Variants in MYOF observed in about 807,000 individuals in gnomAD.
MYOF encodes fer-1-like 3, myoferlin.
MYOF carries 244 observed loss-of-function variants against 284.2 expected under a neutral mutation model. That is an observed-to-expected ratio of 0.86 (90% confidence interval 0.77 to 0.95). The LOEUF is 0.95. MYOF is among the 40% of genes least tolerant of loss of function. MYOF has a pLI of 0.00. For synonymous variants in MYOF, 904 were observed against 919.7 expected (o/e 0.98, Z 0.31); for missense variants, 2,496 against 2,560.6 (o/e 0.97, Z 0.54).
intron 7 of MYOF, among the ~76,000 whole-genome samples, chr10:93,408,337 G>A (rs1397327880): frequency 1.3e-5 from 2 of 152,110 alleles, no homozygotes; most frequent in African/African-American, 4.8e-5. Flanking sequence ...GAGTTCAGGA[G>A]TTCGAGACCA....
At position 93,366,426 on chromosome 10, in the gene MYOF, A is replaced by G. The variant is rs1244634914; in HGVS notation, c.2719T>C (p.Trp907Arg). 2 of 1,613,800 alleles carry G rather than the reference A, an allele frequency of 1.2e-6. No homozygotes were observed. The highest frequency in any genetic ancestry group is 1.7e-6 in the Non-Finnish European group (2 of 1,179,990). Residue 907 changes from tryptophan to arginine, a missense_variant, in exon 26 of 54, where the codon TGG (tryptophan) becomes CGG (arginine). Physicochemically the swap from Trp to Arg is moderately radical, Grantham distance 101. Coordinates refer to ENST00000359263, the MANE Select transcript of MYOF (RefSeq NM_013451.4). ...EFFLPPKGWE[W>R]EGEWIVDPER... Reference sequence around the variant, plus strand: ...GGATCAACTATCCACTCTCCTTCCCATTCCCAGCCTTTTGGAGGCAGAAAA... The same window carrying G: ...GGATCAACTATCCACTCTCCTTCCCGTTCCCAGCCTTTTGGAGGCAGAAAA...
intron 46 of MYOF, 130 bp downstream of exon 46, chr10:93,325,696 A>C: frequency 8.3e-7 from 1 of 1,203,182 alleles, no homozygotes; most frequent in Non-Finnish European, 1.2e-6. Flanking sequence ...ATATGACGCT[A>C]ATTTGAGTCT....
intron 1 of MYOF, among the ~76,000 whole-genome samples, chr10:93,478,840 A>AAAGAAAGAAAGAAAGAAAGAAAG (rs1564748718): frequency 1.0e-4 from 8 of 78,076 alleles, no homozygotes; most frequent in African/African-American, 4.1e-4. Context: ...AAAAAAAAAA[A>AAAGAAAGAAAGAAAGAAAGAAAG]AAAGAAAGAA....
intron 3 of MYOF, 31 bp from the exon 4 acceptor site, chr10:93,431,547 C>T: frequency 6.4e-7 from 1 of 1,569,882 alleles, no homozygotes; most frequent in South Asian, 1.1e-5. Flanking sequence ...CACATAGCAG[C>T]CTAAGTAGGA....
intron 5 of MYOF, among the ~76,000 whole-genome samples, chr10:93,424,875 C>T (rs186563543): frequency 6.7e-5 from 10 of 149,694 alleles, no homozygotes; most frequent in African/African-American, 9.8e-5. Flanking sequence ...AGATGAGCCC[C>T]GAGGAGCCAC....
At chr10:93,457,056 C>T in intron 1 of MYOF, 119 bp from the exon 2 acceptor site, 1 of 700,132 alleles carries the variant, frequency 1.4e-6, no homozygotes, top group Non-Finnish European at 2.4e-6. Context: ...TCTCCCCATT[C>T]ATCGCTTAGG....
At chr10:93,471,296 G>C (rs1489063348) in intron 1 of MYOF, among the ~76,000 whole-genome samples, 2 of 119,728 alleles carry the variant, frequency 1.7e-5, no homozygotes, top group African/African-American at 5.9e-5. Context: ...CTCACCCCAG[G>C]GGGGATGGGT....
chr10:93,309,993 G>A, intron 53 of MYOF, 27 bp downstream of exon 53: 1 of 1,613,586 alleles, frequency 6.2e-7, no homozygotes, highest in South Asian at 1.1e-5. Flanking sequence ...AGAAAGCCAA[G>A]ACAAGGGGCC....
intron 24 of MYOF, among the ~76,000 whole-genome samples, chr10:93,370,726 T>C (rs1845548637): frequency 6.6e-6 from 1 of 152,196 alleles, no homozygotes; most frequent in African/African-American, 2.4e-5. Context: ...TGGCATATGA[T>C]GGTTGTCTTG....
rs1847428537 is a variant in MYOF, at chr10:93,404,076, G to A, written c.793-3C>T. On this transcript the variant is annotated splice_polypyrimidine_tract_variant and splice_region_variant and intron_variant, in intron 8 of 53. Coordinates refer to ENST00000359263, the MANE Select transcript of MYOF (RefSeq NM_013451.4). The stretch of plus-strand genomic sequence containing the variant: ...CGCAGAGAGTGAGAATTATAAACCT[G>A]GAAGAAAGAAGAGTAGTGAAGAAAT... The A allele has an allele frequency of 6.2e-7, 1 of 1,614,100 alleles. No individual in the cohort carries two copies. Among genetic ancestry groups the A allele is most frequent in the East Asian group, 2.2e-5 (1 of 44,888 alleles).
chr10:93,324,999 C>T (rs1189406334), intron 46 of MYOF, among the ~76,000 whole-genome samples: 2 of 152,072 alleles, frequency 1.3e-5, no homozygotes, highest in Non-Finnish European at 2.9e-5. Context: ...AGGCTGGTCT[C>T]GAACTCCTGA....
At chr10:93,378,724 T>G (rs1845975324) in intron 21 of MYOF, among the ~76,000 whole-genome samples, 4 of 142,768 alleles carry the variant, frequency 2.8e-5, no homozygotes, top group African/African-American at 1.0e-4. Flanking sequence ...TATGTATATA[T>G]TTATCTTTTT....
intron 1 of MYOF, among the ~76,000 whole-genome samples, chr10:93,457,497 G>T (rs2056771284): frequency 6.6e-6 from 1 of 152,128 alleles, no homozygotes; most frequent in Non-Finnish European, 1.5e-5. Flanking sequence ...ATAATTTGGG[G>T]CTTCCTTTAC....
intron 28 of MYOF, among the ~76,000 whole-genome samples, chr10:93,361,165 T>C (rs1390061604): frequency 1.3e-5 from 2 of 152,172 alleles, no homozygotes; most frequent in African/African-American, 2.4e-5. Flanking sequence ...TAGACCCCTC[T>C]CACGTGCAGT....
chr10:93,459,288 G>A (rs1306746825), intron 1 of MYOF, among the ~76,000 whole-genome samples: 5 of 152,130 alleles, frequency 3.3e-5, no homozygotes, highest in Non-Finnish European at 7.3e-5. Context: ...AAGTGCTCTT[G>A]AGAGAAACAG....
In MYOF at chr10:93,319,932, C is replaced by T; in HGVS notation, c.5538G>A (p.Trp1846Ter). The T allele has an allele frequency of 6.2e-7, 1 of 1,614,168 alleles. No individual in the cohort carries two copies. The highest frequency in any genetic ancestry group is 1.1e-5 in the South Asian group (1 of 91,080). The stretch of plus-strand genomic sequence containing the variant: ...GGTAGTCAAACGGGAAAACAAATCG[C>T]CAGTTAAAATTCCCTTCACCATCCA... ...RSLDGEGNFN[W>*]RFVFPFDYLP... The change falls in exon 49 of 54, where the codon TGG becomes TGA. Residue 1846 changes from tryptophan to a stop codon, truncating the protein, a stop_gained. Transcript: ENST00000359263. LOFTEE classifies it high-confidence loss of function.
chr10:93,379,767 C>T (rs2133995481), intron 21 of MYOF, 96 bp downstream of exon 21: 2 of 1,475,042 alleles, frequency 1.4e-6, no homozygotes. Context: ...GATCACTGTA[C>T]TAAGCACTTT....
chr10:93,384,823 C>T (rs896573141), intron 19 of MYOF, among the ~76,000 whole-genome samples: 3 of 152,018 alleles, frequency 2.0e-5, no homozygotes, highest in Non-Finnish European at 2.9e-5. Flanking sequence ...AGCAAGATAC[C>T]GATAAGGGCT....
At chr10:93,355,918 G>A (rs374020346) in intron 30 of MYOF, among the ~76,000 whole-genome samples, 182 bp from the exon 31 acceptor site, 14 of 152,276 alleles carry the variant, frequency 9.2e-5, no homozygotes, top group African/African-American at 2.9e-4. Flanking sequence ...CCCTGAAGTC[G>A]CTTAGCTGGA....
Sources: gnomAD v4.1 joint callset for allele counts (sites outside exome capture counted in the v4.1 genomes callset) on GRCh38, gnomAD v4.1.1 for gene constraint, MANE v1.5 for transcripts, NCBI Gene and HGNC (gene_info 2026-07-23, HGNC 2026-07-21) for gene names.